The following MTCL1 variants were observed in gnomAD, a reference collection of about 807,000 sequenced individuals.
MTCL1 encodes the protein microtubule crosslinking factor 1.
MTCL1 carries 79 observed loss-of-function variants against 141.4 expected under a neutral mutation model. The ratio of observed to expected loss-of-function variants is 0.56; its 90% confidence interval spans 0.47 to 0.67. The LOEUF (loss-of-function observed/expected upper bound fraction) is 0.67. MTCL1 is among the 30% of genes least tolerant of loss of function. The pLI, the probability that MTCL1 is intolerant of heterozygous loss-of-function variation, is 0.00. For missense variants in MTCL1, 2,177 were observed against 2,113.9 expected (o/e 1.03, Z -0.59); for synonymous variants, 914 against 875.8 (o/e 1.04, Z -0.77).
intron 4 of MTCL1, among the ~76,000 whole-genome samples, chr18:8,744,633 A>C (rs1168710850): frequency 6.6e-6 from 1 of 151,900 alleles, no homozygotes; most frequent in Non-Finnish European, 1.5e-5. Flanking sequence ...AGGTTTGGAT[A>C]CTTTTTTTAG....
chr18:8,705,703 G>A lies in MTCL1; in HGVS notation c.43G>A (p.Ala15Thr), dbSNP rs555768720. 167 of 1,202,422 alleles carry A rather than the reference G, an allele frequency of 1.4e-4. 1 individual carries two copies. In the East Asian group the frequency reaches 5.0e-3, roughly 36 times the overall value. The allele number at this position is 1,202,422 out of a possible 1,614,324, so 74.5% of individuals were successfully genotyped here. A position where few individuals can be genotyped will look rare whatever the true frequency, so the allele number is the denominator to read the frequency against. ...CCCCGCGGGCGGAGGTGCCCCGGAC[G>A]CGAAGCTGCAGCCGCCCGGCCAGCA... is the stretch of plus-strand genomic sequence containing the variant. Residue 15 changes from alanine to threonine, a missense_variant, in exon 1 of 14, where the codon GCG becomes ACG. Transcript: ENST00000306329. This position sits in a 1 kb window ranked among gnomAD's most constrained non-coding sequence, Gnocchi z 5.2.
intron 1 of MTCL1, among the ~76,000 whole-genome samples, chr18:8,708,373 A>AATG (rs2096069070): frequency 6.6e-6 from 1 of 152,184 alleles, no homozygotes; most frequent in Non-Finnish European, 1.5e-5. Context: ...TTTCCCAATG[A>AATG]ATGAAATGTG....
chr18:8,795,209 T>C lies in MTCL1; in HGVS notation c.2011-1023T>C, dbSNP rs544043240. ...TGACTCTTCACTGGCCTTTAGCACA[T>C]TGGCCTCGGGCAGCTGTGGTTCTAT... On this transcript the variant is annotated intron_variant, in intron 8 of 16. Coordinates refer to ENST00000359865, the Ensembl canonical transcript of MTCL1. 9.8e-5 allele frequency among the ~76,000 whole-genome samples: 15 copies of C among 152,378 alleles called. No homozygotes were observed. In the South Asian group the frequency reaches 3.1e-3, roughly 32 times the overall value.
At chr18:8,706,706 A>C in exon 1 of MTCL1, 2 of 1,545,544 alleles carry the variant, frequency 1.3e-6, no homozygotes, top group South Asian at 1.2e-5. Flanking sequence ...GAGAACGACT[A>C]TCTCAAGGTG....
chr18:8,718,026 C>T, intron 2 of MTCL1: 1 of 978,188 alleles, frequency 1.0e-6, no homozygotes, highest in Non-Finnish European at 1.2e-6. Context: ...TCTTTGAAGG[C>T]AGGGTCCGTA....
chr18:8,705,585 A>ACGC (rs529374906), upstream of MTCL1: 139,677 of 1,136,894 alleles, frequency 0.12, 8,182 homozygotes, highest in South Asian at 0.19. This position sits in a 1 kb window ranked among gnomAD's most constrained non-coding sequence, Gnocchi z 5.2. Flanking sequence ...GGGAGGCTGC[A>ACGC]CGCCGCCGCC....
At chr18:8,786,112 C>CCCCCCCCCCCA in intron 7 of MTCL1, 21 bp downstream of exon 6, 14 of 1,362,934 alleles carry the variant, frequency 1.0e-5, no homozygotes, top group South Asian at 5.1e-5. Context: ...GCAAGCAATC[C>CCCCCCCCCCCA]CCCCCCCCCG....
intron 5 of MTCL1, among the ~76,000 whole-genome samples, chr18:8,780,014 G>C (rs1014594941): frequency 6.6e-6 from 1 of 152,140 alleles, no homozygotes; most frequent in Admixed American, 6.5e-5. Flanking sequence ...AAGGTGATTT[G>C]AGGGCTCTAT....
At chr18:8,775,575 A>T (rs527376408) in intron 4 of MTCL1, among the ~76,000 whole-genome samples, 4 of 152,206 alleles carry the variant, frequency 2.6e-5, no homozygotes, top group African/African-American at 9.6e-5. Context: ...TCCGTCTCAA[A>T]ACAAAACAAA....
At chr18:8,773,996 A>G (rs1568007443) in intron 4 of MTCL1, among the ~76,000 whole-genome samples, 1 of 152,230 alleles carries the variant, frequency 6.6e-6, no homozygotes, top group Non-Finnish European at 1.5e-5. Flanking sequence ...ATTTTTCTAA[A>G]TTGAGGTCAG....
At chr18:8,801,078 C>T (rs2076104626) in intron 10 of MTCL1, among the ~76,000 whole-genome samples, 1 of 152,280 alleles carries the variant, frequency 6.6e-6, no homozygotes, top group African/African-American at 2.4e-5. Flanking sequence ...TGCTCCTTGT[C>T]GGGGCTTCTG....
At position 8,712,069 on chromosome 18, in the gene MTCL1, A is replaced by G. The variant is rs1273690547; in HGVS notation, c.1053+5356A>G. 3.3e-5 allele frequency among the ~76,000 whole-genome samples: 5 copies of G among 151,892 alleles called. No individual in the cohort carries two copies. The East Asian group carries it at 9.6e-4, about 29-fold the overall frequency. On this transcript the variant is annotated intron_variant, in intron 1 of 13. Coordinates refer to the MTCL1 transcript ENST00000306329. ...TTTGAAAATGCTTTTAGCAGCCATA[A>G]CCCCACACCTCCCCCACCCCCAAAT...
At chr18:8,813,374 C>A in intron 12 of MTCL1, 141 bp downstream of exon 11, 1 of 1,066,182 alleles carries the variant, frequency 9.4e-7, no homozygotes. Flanking sequence ...GAGAGAAATT[C>A]TAGAATTGCT....
rs957068806 is a variant in MTCL1, at chr18:8,810,838, G to C, written c.2605-2141G>C. Among the ~76,000 whole-genome samples the C allele has an allele frequency of 6.6e-6, 1 of 152,140 alleles. No individual in the cohort carries two copies. Among genetic ancestry groups the C allele is most frequent in the South Asian group, 2.1e-4 (1 of 4,822 alleles). ...GAAGCGTCACCACTGACCTGTGCCC[G>C]TGGCTGTCATCTGCTTCCTCAAGCC... On this transcript the variant is annotated intron_variant, in intron 11 of 16. Coordinates refer to ENST00000359865, the Ensembl canonical transcript of MTCL1. This position sits in a 1 kb window ranked among gnomAD's most constrained non-coding sequence, Gnocchi z 5.0.
At chr18:8,724,491 A>G (rs1193599346) in intron 4 of MTCL1, among the ~76,000 whole-genome samples, 1 of 152,218 alleles carries the variant, frequency 6.6e-6, no homozygotes, top group African/African-American at 2.4e-5. Flanking sequence ...TCAGACGAGT[A>G]TTTGAGAGCT....
intron 4 of MTCL1, among the ~76,000 whole-genome samples, chr18:8,740,508 A>G (rs2148906033): frequency 6.6e-6 from 1 of 152,300 alleles, no homozygotes; most frequent in African/African-American, 2.4e-5. Context: ...TTTGAGGCAG[A>G]GTCTCGCTCT....
intron 9 of MTCL1, among the ~76,000 whole-genome samples, chr18:8,796,852 TG>T (rs1382234916): frequency 6.6e-6 from 1 of 152,234 alleles, no homozygotes; most frequent in Non-Finnish European, 1.5e-5. Context: ...CAGGTGCTGT[TG>T]GTTGCCTACT....
At chr18:8,718,065 T>A in intron 2 of MTCL1, 1 of 805,430 alleles carries the variant, frequency 1.2e-6, no homozygotes, top group Non-Finnish European at 1.6e-6. Flanking sequence ...AGATTATGCC[T>A]TAGAGATAAA....
chr18:8,785,430 T>TCCTGCCGC (rs533938437), intron 6 of MTCL1, among the ~76,000 whole-genome samples: 2 of 152,288 alleles, frequency 1.3e-5, no homozygotes, highest in Admixed American at 1.3e-4. Context: ...CTCTGCTGGC[T>TCCTGCCGC]CCTGCCGCCC....
Sources: allele counts gnomAD v4.1 joint callset (sites outside exome capture counted in the v4.1 genomes callset), GRCh38; gene constraint gnomAD v4.1.1; non-coding constraint Gnocchi (gnomAD v3.1); transcripts MANE v1.5; gene names NCBI Gene and HGNC (gene_info 2026-07-23, HGNC 2026-07-21).